Variants in STIM1 observed in about 807,000 individuals in gnomAD.
STIM1 encodes the protein stromal interaction molecule 1.
STIM1 carries 25 observed loss-of-function variants against 74.7 expected under a neutral mutation model. The ratio of observed to expected loss-of-function variants is 0.33; its 90% CI spans 0.24 to 0.47. The LOEUF is 0.47. Among genes scored for constraint, STIM1 ranks in the 20% least tolerant of loss-of-function variants. The pLI is 1.00. For synonymous variants in STIM1, 328 were observed against 348.8 expected (o/e 0.94, Z 0.66); for missense variants, 728 against 920.8 (o/e 0.79, Z 2.71).
intron 5 of STIM1, among the ~76,000 whole-genome samples, chr11:4,062,969 C>A (rs1408766996): frequency 6.6e-6 from 1 of 152,074 alleles, no homozygotes; most frequent in Non-Finnish European, 1.5e-5. Flanking sequence ...TGCGGATGAA[C>A]CTTGAAAACA....
chr11:3,901,372 C>G (rs765499701), intron 1 of STIM1, among the ~76,000 whole-genome samples: 99 of 152,200 alleles, frequency 6.5e-4, no homozygotes, highest in South Asian at 2.3e-3. Context: ...CAAAAACCAC[C>G]TATTGACATT....
At chr11:4,021,412 C>T (rs946244684) in intron 2 of STIM1, among the ~76,000 whole-genome samples, 18 of 152,266 alleles carry the variant, frequency 1.2e-4, no homozygotes, top group African/African-American at 2.9e-4. Flanking sequence ...AGGCATGAGC[C>T]ACCGTGCCCG....
In STIM1 at chr11:3,885,931, C is replaced by T. The variant is rs191514590; in HGVS notation, c.139+29522C>T. Among the ~76,000 whole-genome samples the T allele has an allele frequency of 1.3e-3, 204 of 152,304 alleles. 1 individual carries two copies. Among genetic ancestry groups the T allele is most frequent in the African/African-American group, 4.8e-3 (198 of 41,562 alleles). ...GGGATTACAGGCGTGAGCCACTGTG[C>T]GTGGCCCCATTCCAGTTTTCGATGT... is the stretch of plus-strand genomic sequence containing the variant. On this transcript the variant is annotated intron_variant, in intron 1 of 12. Coordinates refer to ENST00000526596, the MANE Select transcript of STIM1 (RefSeq NM_001382567.1).
chr11:4,015,848 T>A (rs1372303521), intron 2 of STIM1, among the ~76,000 whole-genome samples: 1 of 152,216 alleles, frequency 6.6e-6, no homozygotes, highest in Non-Finnish European at 1.5e-5. Flanking sequence ...TATTGAAGCT[T>A]GTGTATGCTT....
rs189931961 is a variant in STIM1 at position 3,940,073 on chromosome 11, A to G, written c.140-27479A>G. On this transcript the variant is annotated intron_variant, in intron 1 of 12. Transcript: ENST00000526596. ...TCACTATGTGATTTTCTTGGTTAAG[A>G]GACCTTTTTCCTTAACTCCAGAAGA... 6.0e-4 allele frequency among the ~76,000 whole-genome samples: 91 copies of G among 152,340 alleles called. 1 individual carries two copies. The highest frequency in any genetic ancestry group is 8.8e-5 in the Non-Finnish European group (6 of 68,034).
intron 2 of STIM1, among the ~76,000 whole-genome samples, chr11:4,014,639 T>G (rs1285561340): frequency 6.6e-6 from 1 of 152,208 alleles, no homozygotes; most frequent in Non-Finnish European, 1.5e-5. Context: ...TGTCTAATAT[T>G]GACAGTGGGG....
At chr11:3,865,301 A>G (rs1450321211) in intron 1 of STIM1, among the ~76,000 whole-genome samples, 3 of 152,324 alleles carry the variant, frequency 2.0e-5, no homozygotes, top group Admixed American at 6.5e-5. Context: ...AGCCAGGGCT[A>G]GAATATAATT....
At chr11:3,930,577 C>G (rs2092847271) in intron 1 of STIM1, among the ~76,000 whole-genome samples, 1 of 152,150 alleles carries the variant, frequency 6.6e-6, no homozygotes. Context: ...CTGTACAGGT[C>G]CATGTGACCT....
At chr11:4,090,605 G>GCA (rs2094518358) in intron 12 of STIM1, among the ~76,000 whole-genome samples, 1 of 152,232 alleles carries the variant, frequency 6.6e-6, no homozygotes, top group Non-Finnish European at 1.5e-5. Context: ...GACTGCATGT[G>GCA]CCCTGTTCCT....
intron 1 of STIM1, among the ~76,000 whole-genome samples, chr11:3,872,762 C>T (rs1436063320): frequency 1.3e-5 from 2 of 152,000 alleles, no homozygotes; most frequent in Non-Finnish European, 2.9e-5. Flanking sequence ...ACCTCATGAT[C>T]CTCCCACCTC....
chr11:4,074,711 G>C (rs1466852957), intron 7 of STIM1, 32 bp downstream of exon 7: 1 of 1,550,920 alleles, frequency 6.4e-7, no homozygotes, highest in Non-Finnish European at 8.7e-7. Context: ...TGGACACCTT[G>C]ACGGGTGGGT....
At chr11:3,920,984 C>A (rs148055798) in intron 1 of STIM1, among the ~76,000 whole-genome samples, 1 of 151,892 alleles carries the variant, frequency 6.6e-6, no homozygotes, top group South Asian at 2.1e-4. Context: ...TTAGTAGAGA[C>A]GGGGTTTCAC....
intron 1 of STIM1, chr11:3,922,032 C>G (rs545597657): frequency 6.6e-6 from 1 of 152,130 alleles, no homozygotes. Flanking sequence ...TTCCTTGATT[C>G]GTAACCCTCA....
intron 2 of STIM1, among the ~76,000 whole-genome samples, chr11:4,015,906 CT>C (rs1268750460): frequency 6.6e-6 from 1 of 152,144 alleles, no homozygotes; most frequent in African/African-American, 2.4e-5. Context: ...GTCATTTAAG[CT>C]CTTCTCTACA....
intron 3 of STIM1, among the ~76,000 whole-genome samples, chr11:4,041,958 A>G (rs958974695): frequency 6.6e-6 from 1 of 152,210 alleles, no homozygotes; most frequent in African/African-American, 2.4e-5. Context: ...ACTAACTAAC[A>G]GCTGTGTGAA....
chr11:4,082,446 C>G (rs768199589), intron 8 of STIM1, 95 bp downstream of exon 8: 29 of 1,299,740 alleles, frequency 2.2e-5, no homozygotes, highest in Non-Finnish European at 2.9e-5. Flanking sequence ...CCTGTTCCTC[C>G]CATTGGGTGA....
At position 4,086,354 on chromosome 11, in the gene STIM1, T is replaced by C. The variant is rs2412344; in HGVS notation, c.1568-123T>C. 0.55 allele frequency: 599,986 copies of C among 1,100,214 alleles called. 167,554 individuals carry two copies. The highest frequency in any genetic ancestry group is 0.58 in the Non-Finnish European group (442,347 of 757,422). The allele number at this position is 1,100,214 out of a possible 1,614,324, so 68.2% of individuals were successfully genotyped here. A position where few individuals can be genotyped will look rare whatever the true frequency, so the allele number is the denominator to read the frequency against. ...GAGGTTTCTGGGAGGAGGTGCCCCA[T>C]TCTCCAGATTGGCATTAGAGGCCCA... On this transcript the variant is annotated intron_variant, in intron 11 of 12. Transcript: ENST00000526596.
At chr11:3,882,034 A>G (rs2091527989) in intron 1 of STIM1, among the ~76,000 whole-genome samples, 1 of 151,548 alleles carries the variant, frequency 6.6e-6, no homozygotes, top group African/African-American at 2.4e-5. Flanking sequence ...CACTTAGCAT[A>G]AGGGAAAGTA....
intron 3 of STIM1, among the ~76,000 whole-genome samples, chr11:4,052,634 C>T (rs1025681797): frequency 3.5e-4 from 54 of 152,236 alleles, no homozygotes; most frequent in African/African-American, 1.3e-3. Flanking sequence ...CCATGAAAAC[C>T]CTAGAAGAAA....
Sources: gnomAD v4.1 joint callset for allele counts (sites outside exome capture counted in the v4.1 genomes callset) on GRCh38, gnomAD v4.1.1 for gene constraint, MANE v1.5 for transcripts, NCBI Gene and HGNC (gene_info 2026-07-23, HGNC 2026-07-21) for gene names.